The following ERC2 variants were observed in gnomAD, a reference collection of about 807,000 sequenced individuals.
ERC2 encodes the protein ERC protein 2.
A neutral mutation model predicts 114.8 loss-of-function variants in ERC2; 42 were observed. The ratio of observed to expected loss-of-function variants is 0.37; its 90% CI spans 0.29 to 0.47. ERC2 has a LOEUF of 0.47. Among genes scored for constraint, ERC2 ranks in the 20% least tolerant of loss-of-function variants. The probability of loss-of-function intolerance (pLI) is 0.99; values close to 1 mark genes in which losing one functional copy is unlikely to be tolerated. For synonymous variants in ERC2, 454 were observed against 425.5 expected (o/e 1.07, Z -0.82); for missense variants, 939 against 1,150.7 (o/e 0.82, Z 2.66).
chr3:56,066,236 A>T (rs895804528), intron 7 of ERC2, among the ~76,000 whole-genome samples: 6 of 152,174 alleles, frequency 3.9e-5, no homozygotes, highest in African/African-American at 1.2e-4. Context: ...AATAATCGCC[A>T]TTCTAACCGG....
At chr3:55,882,995 A>G (rs1317197206) in intron 14 of ERC2, among the ~76,000 whole-genome samples, 1 of 152,170 alleles carries the variant, frequency 6.6e-6, no homozygotes, top group African/African-American at 2.4e-5. Context: ...CTATTTATCT[A>G]TTCATTTATT....
intron 17 of ERC2, among the ~76,000 whole-genome samples, chr3:55,664,568 C>G (rs1208587895): frequency 6.6e-6 from 1 of 152,162 alleles, no homozygotes; most frequent in African/African-American, 2.4e-5. Flanking sequence ...GGAGGAGGGG[C>G]TGGGTTACCA....
chr3:56,002,136 G>GGAGA (rs2072122336), intron 10 of ERC2, among the ~76,000 whole-genome samples: 1 of 152,124 alleles, frequency 6.6e-6, no homozygotes, highest in Admixed American at 6.6e-5. Context: ...AAGAATGGAG[G>GGAGA]GTGGAGGCTG....
intron 13 of ERC2, among the ~76,000 whole-genome samples, chr3:55,906,938 A>T (rs1158700620): frequency 1.3e-5 from 2 of 152,300 alleles, no homozygotes; most frequent in South Asian, 2.1e-4. Flanking sequence ...TATCACTGGC[A>T]TGGGAATCCT....
Position 56,113,463 on chromosome 3 carries a change from A to G in ERC2, c.1473+26046T>C, listed in dbSNP as rs375606710. Among the ~76,000 whole-genome samples, 61 of 152,324 alleles carry G rather than the reference A, an allele frequency of 4.0e-4. 2 individuals carry two copies. In the South Asian group the frequency reaches 0.013, roughly 32 times the overall value. ...TTCATATAGCAGCCCTCTATGATTT[A>G]ATGCCCACATATGGAAATTCCACAC... On this transcript the variant is annotated intron_variant, in intron 6 of 17. Transcript: ENST00000288221.
intron 3 of ERC2, among the ~76,000 whole-genome samples, chr3:56,267,498 G>A (rs1018375534): frequency 7.2e-5 from 11 of 152,096 alleles, no homozygotes; most frequent in South Asian, 2.1e-4. Flanking sequence ...TTGGCAGGGC[G>A]CAGTGGCTCA....
chr3:56,050,753 T>C (rs1402742109), intron 7 of ERC2, among the ~76,000 whole-genome samples: 1 of 152,192 alleles, frequency 6.6e-6, no homozygotes, highest in Non-Finnish European at 1.5e-5. Context: ...TAGCTTGACT[T>C]TTGTTTACTG....
At chr3:56,082,799 C>T (rs2077306830) in intron 6 of ERC2, among the ~76,000 whole-genome samples, 2 of 152,130 alleles carry the variant, frequency 1.3e-5, no homozygotes, top group South Asian at 4.1e-4. Flanking sequence ...AGGTGAGTGT[C>T]GGTCAAGCAT....
intron 3 of ERC2, among the ~76,000 whole-genome samples, chr3:56,269,857 T>C (rs766788493): frequency 1.3e-5 from 2 of 152,198 alleles, no homozygotes; most frequent in Admixed American, 6.5e-5. Flanking sequence ...TTTGAAAGTG[T>C]TGACACTTAA....
intron 14 of ERC2, among the ~76,000 whole-genome samples, chr3:55,808,795 T>G (rs1425370212): frequency 6.9e-6 from 1 of 144,662 alleles, no homozygotes; most frequent in Non-Finnish European, 1.5e-5. Context: ...AGAATATGAC[T>G]CTACTAGTCC....
At chr3:55,643,944 C>G (rs2060291872) in intron 17 of ERC2, among the ~76,000 whole-genome samples, 1 of 152,016 alleles carries the variant, frequency 6.6e-6, no homozygotes. Flanking sequence ...TCACAAATGC[C>G]CTCCAGACAT....
intron 14 of ERC2, among the ~76,000 whole-genome samples, chr3:55,796,825 A>G (rs1057443475): frequency 1.3e-5 from 2 of 152,240 alleles, no homozygotes; most frequent in African/African-American, 2.4e-5. Flanking sequence ...CAAGCCTAAT[A>G]TATTTACTAT....
chr3:56,006,445 T>C (rs1249257784), intron 10 of ERC2, among the ~76,000 whole-genome samples: 1 of 152,012 alleles, frequency 6.6e-6, no homozygotes, highest in African/African-American at 2.4e-5. Context: ...GTTTATGAGT[T>C]GTCAAAGGGA....
rs960380208 is a variant in ERC2 at position 56,307,897 on chromosome 3, T to C, written c.658-11462A>G. Among the ~76,000 whole-genome samples the C allele has an allele frequency of 1.3e-5, 2 of 151,938 alleles. 1 individual carries two copies. Among genetic ancestry groups the C allele is most frequent in the Non-Finnish European group, 2.9e-5 (2 of 68,012 alleles). On this transcript the variant is annotated intron_variant, in intron 2 of 17. Coordinates refer to ENST00000288221, the MANE Select transcript of ERC2 (RefSeq NM_015576.3). ...TCTCAAGGACAGTTTCTAATTTTCA[T>C]AATGAAGTATAGAAGAAAGGTGAGA... is the stretch of plus-strand genomic sequence containing the variant.
rs1352199642 is a variant in ERC2 at position 55,714,598 on chromosome 3, T to C, written c.2713-15086A>G. Among the ~76,000 whole-genome samples, 4 of 150,144 alleles carry C rather than the reference T, an allele frequency of 2.7e-5. No homozygotes were observed. In the South Asian group the frequency reaches 6.3e-4, roughly 24 times the overall value. On this transcript the variant is annotated intron_variant, in intron 15 of 17. Coordinates refer to ENST00000288221, the MANE Select transcript of ERC2 (RefSeq NM_015576.3). ...AACAACATGTTCATATAAAATAGTA[T>C]ATAAAAGTCTACATTTAAATATATA...
At chr3:55,980,815 C>T (rs555575443) in intron 12 of ERC2, among the ~76,000 whole-genome samples, 281 of 151,940 alleles carry the variant, frequency 1.8e-3, no homozygotes, top group African/African-American at 6.3e-3. Flanking sequence ...TGGGTCATGA[C>T]TTATAAGGCC....
chr3:56,158,534 A>T (rs2081865739), intron 4 of ERC2, among the ~76,000 whole-genome samples: 1 of 152,086 alleles, frequency 6.6e-6, no homozygotes, highest in Admixed American at 6.6e-5. Context: ...GGATTCCTTG[A>T]TCCTCTATTA....
intron 14 of ERC2, among the ~76,000 whole-genome samples, chr3:55,843,481 A>G (rs1462284375): frequency 6.6e-6 from 1 of 152,256 alleles, no homozygotes; most frequent in African/African-American, 2.4e-5. Context: ...CATTGCCACA[A>G]ACTCTTCTGG....
At chr3:55,912,289 C>T (rs766272363) in intron 13 of ERC2, among the ~76,000 whole-genome samples, 8 of 151,994 alleles carry the variant, frequency 5.3e-5, no homozygotes, top group South Asian at 4.2e-4. Context: ...GTTGCCAGTG[C>T]GAGTGAGAAA....
Sources: gnomAD v4.1 joint callset for allele counts (sites outside exome capture counted in the v4.1 genomes callset) on GRCh38, gnomAD v4.1.1 for gene constraint, MANE v1.5 for transcripts, NCBI Gene and HGNC (gene_info 2026-07-23, HGNC 2026-07-21) for gene names.